LAMA4: variants seen among roughly 807,000 people sequenced by gnomAD.
The protein encoded by LAMA4 is laminin subunit alpha 4, also known as laminin subunit alpha-4.
LAMA4 carries 127 observed loss-of-function variants against 207.1 expected under a neutral mutation model. The ratio of observed to expected loss-of-function variants is 0.61; its 90% CI spans 0.53 to 0.71. LAMA4 has a LOEUF of 0.71. Ranked by LOEUF, LAMA4 falls within the 30% of genes least tolerant of loss-of-function variation. LAMA4 has a pLI of 0.00. For missense variants in LAMA4, 2,093 were observed against 2,246.5 expected, an observed-to-expected ratio of 0.93 and a Z score of 1.38; for synonymous variants, 761 against 816.0, an observed-to-expected ratio of 0.93 and a Z score of 1.15.
Position 112,187,606 on chromosome 6 carries a change from A to G in LAMA4, c.815-5T>C. On this transcript the variant is annotated splice_polypyrimidine_tract_variant and splice_region_variant and intron_variant, in intron 7 of 38. Transcript: ENST00000230538. The stretch of plus-strand genomic sequence containing the variant: ...CCCAGACGCACTTATCACAGCCTGG[A>G]GGTGAAACATTTCTTCAGAATCACA... 6.2e-7 allele frequency: 1 copy of G among 1,613,546 alleles called. No homozygotes were observed. The highest frequency in any genetic ancestry group is 8.5e-7 in the Non-Finnish European group (1 of 1,179,800).
chr6:112,136,103 C>A lies in LAMA4; in HGVS notation c.3414+20G>T. ...TATAAAGAACAAAAACAAAACCAAC[C>A]AAACTACAATGATTTGTACCTCATG... is the stretch of plus-strand genomic sequence containing the variant. On this transcript the variant is annotated intron_variant, in intron 25 of 38. Transcript: ENST00000230538. 4 of 1,608,784 alleles carry A rather than the reference C, an allele frequency of 2.5e-6. No individual in the cohort carries two copies. Among genetic ancestry groups the A allele is most frequent in the Non-Finnish European group, 2.5e-6 (3 of 1,178,296 alleles).
At position 112,117,889 on chromosome 6, in the gene LAMA4, T is replaced by G; in HGVS notation, c.4831A>C (p.Ile1611Leu). Residue 1611 changes from isoleucine to leucine, a missense_variant, in exon 35 of 39, where the codon ATC becomes CTC. Coordinates refer to ENST00000230538, the MANE Select transcript of LAMA4 (RefSeq NM_001105206.3). The surrounding 1 kb of genome is among the most constrained non-coding windows in gnomAD (Gnocchi z 4.5). ...CTGAGACAGCCACTAAAACTGTAGA[T>G]GGAGTTAATCTGAGGGAAGAAGATA... ...KAVKNVQINSIYSFSGCLSNL... is the reference protein window; with the variant it reads ...KAVKNVQINSLYSFSGCLSNL... 6.2e-7 allele frequency: 1 copy of G among 1,613,330 alleles called. No individual in the cohort carries two copies.
At chr6:112,235,172 A>C (rs1554365637) in intron 2 of LAMA4, among the ~76,000 whole-genome samples, 1 of 152,076 alleles carries the variant, frequency 6.6e-6, no homozygotes, top group Non-Finnish European at 1.5e-5. Context: ...GCTGCCCCAA[A>C]CCCCTGAAAT....
Position 112,114,730 on chromosome 6 carries a change from G to T in LAMA4, c.5139C>A (p.Ile1713=). Residue 1713 remains isoleucine, a synonymous_variant, in exon 37 of 39, where the codon ATC becomes ATA. Coordinates refer to ENST00000230538, the MANE Select transcript of LAMA4 (RefSeq NM_001105206.3). ...GQVIVKVNNG[I]RDFSTSVTPK... is the part of the protein sequence containing the mutation. ...GTGTAACTGAGGTGGAAAAATCTCT[G>T]ATGCCATTATTGACTTTCACTATGA... is the stretch of plus-strand genomic sequence containing the variant. The T allele has an allele frequency of 6.2e-7, 1 of 1,612,092 alleles. No individual in the cohort carries two copies. Among genetic ancestry groups the T allele is most frequent in the South Asian group, 1.1e-5 (1 of 91,042 alleles).
chr6:112,194,330 T>C (rs1194663621), intron 5 of LAMA4, among the ~76,000 whole-genome samples: 1 of 152,248 alleles, frequency 6.6e-6, no homozygotes, highest in Non-Finnish European at 1.5e-5. Flanking sequence ...AACTTTTTCA[T>C]TTAATTCCAC....
At chr6:112,171,443 A>G (rs6940879) in intron 12 of LAMA4, among the ~76,000 whole-genome samples, 8,200 of 152,082 alleles carry the variant, frequency 0.054, 275 homozygotes, top group Middle Eastern at 0.099. Context: ...AGAAGGGGAG[A>G]CTGTTTTGGT....
chr6:112,193,056 A>G (rs1393418034), intron 5 of LAMA4, among the ~76,000 whole-genome samples: 1 of 152,130 alleles, frequency 6.6e-6, no homozygotes, highest in Non-Finnish European at 1.5e-5. Flanking sequence ...TTTGCTGTGG[A>G]CTCTAAACTA....
At chr6:112,213,357 C>T (rs1784452593) in intron 3 of LAMA4, among the ~76,000 whole-genome samples, 1 of 152,192 alleles carries the variant, frequency 6.6e-6, no homozygotes, top group South Asian at 2.1e-4. Flanking sequence ...TCTGCTTCCA[C>T]TTGTTTTTTC....
At position 112,182,097 on chromosome 6, in the gene LAMA4, A is replaced by AAAATAAATAAAT. The variant is rs58426217; in HGVS notation, c.1077+3128_1077+3139dup. Among the ~76,000 whole-genome samples the AAAATAAATAAAT allele has an allele frequency of 6.2e-3, 918 of 148,644 alleles. 7 individuals carry two copies. The highest frequency in any genetic ancestry group is 0.013 in the African/African-American group (525 of 40,198). The stretch of plus-strand genomic sequence containing the variant: ...AGATGACAGAGCGAGACTCTGTCTG[A>AAAATAAATAAAT]AAATAAATAAATAAATAAATAAATA... On this transcript the variant is annotated intron_variant, in intron 9 of 38. Transcript: ENST00000230538.
chr6:112,249,441 C>CAA (rs71762704), intron 2 of LAMA4, among the ~76,000 whole-genome samples: 666 of 52,632 alleles, frequency 0.013, 31 homozygotes, highest in African/African-American at 0.02. Context: ...GACTCTGTTT[C>CAA]AAAAAAAAAA....
Position 112,254,090 on chromosome 6 carries a change from A to C in LAMA4, c.61T>G (p.Cys21Gly), listed in dbSNP as rs1787681023. ...TCGTCCCCGGACGCGGCGCGGGAGC[A>C]GGCAGCGCTCCAGAGGAGCCACAGA... ...LPLWLLWSAA[C>G]SRAASGDDNA... The change falls in exon 2 of 39, where the codon TGC becomes GGC. Residue 21 changes from cysteine to glycine, a missense_variant. Physicochemically the swap from Cys to Gly is radical, Grantham distance 159. This residue lies in a region of LAMA4 where 1,704 missense variants were observed against 1,788.4 expected (regional missense o/e 0.95). Transcript: ENST00000230538. The C allele has an allele frequency of 6.2e-7, 1 of 1,612,374 alleles. No individual in the cohort carries two copies. The highest frequency in any genetic ancestry group is 8.5e-7 in the Non-Finnish European group (1 of 1,179,760).
At chr6:112,136,818 G>T (rs552619660) in intron 24 of LAMA4, among the ~76,000 whole-genome samples, 18 of 152,088 alleles carry the variant, frequency 1.2e-4, no homozygotes, top group African/African-American at 4.3e-4. Flanking sequence ...CTGAACTAAT[G>T]GATGAAGTTT....
At chr6:112,139,664 T>A in intron 23 of LAMA4, 88 bp downstream of exon 23, 1 of 1,524,922 alleles carries the variant, frequency 6.6e-7, no homozygotes, top group East Asian at 2.3e-5. Flanking sequence ...AAAGAAAAGT[T>A]TGAGAACCTG....
intron 2 of LAMA4, among the ~76,000 whole-genome samples, chr6:112,245,212 G>A (rs1786821959): frequency 6.6e-6 from 1 of 152,188 alleles, no homozygotes; most frequent in African/African-American, 2.4e-5. Context: ...CATGAAGTTT[G>A]AAAGGCATCC....
rs1290624505 is a variant in LAMA4 at position 112,108,091 on chromosome 6, T to C, written c.*1346A>G. On this transcript the variant is annotated 3_prime_UTR_variant, in exon 39 of 39. Transcript: ENST00000230538. ...GGGGATATAGGTAGGTATGGACATATATACCAATATGTAATATATATATAA... is the reference window on the plus strand; with the variant it reads ...GGGGATATAGGTAGGTATGGACATACATACCAATATGTAATATATATATAA... Among the ~76,000 whole-genome samples the C allele has an allele frequency of 6.6e-6, 1 of 152,146 alleles. No individual in the cohort carries two copies. The highest frequency in any genetic ancestry group is 2.4e-5 in the African/African-American group (1 of 41,418).
At position 112,109,316 on chromosome 6, in the gene LAMA4, G is replaced by A. The variant is rs1194039085; in HGVS notation, c.*121C>T. ...ATCCGGTCCCTGATGATTCGTTTAA[G>A]TCCTGTTCAACTCGATGAAAGCTTC... On this transcript the variant is annotated 3_prime_UTR_variant, in exon 39 of 39. Transcript: ENST00000230538. 4 of 1,049,802 alleles carry A rather than the reference G, an allele frequency of 3.8e-6. No individual in the cohort carries two copies. The African/African-American group carries it at 6.3e-5, about 16-fold the overall frequency. 65.0% of individuals were successfully genotyped at this position (1,049,802 alleles called of 1,614,324 possible).
At chr6:112,202,863 C>A (rs1196255176) in intron 4 of LAMA4, among the ~76,000 whole-genome samples, 1 of 152,176 alleles carries the variant, frequency 6.6e-6, no homozygotes, top group East Asian at 1.9e-4. Flanking sequence ...GCAGCCTGCC[C>A]ACGCTTGAAG....
At chr6:112,242,234 T>C (rs1027166458) in intron 2 of LAMA4, among the ~76,000 whole-genome samples, 4 of 152,152 alleles carry the variant, frequency 2.6e-5, no homozygotes, top group African/African-American at 4.8e-5. Flanking sequence ...GTGTGTGCCA[T>C]GGTTTCAGGA....
Position 112,120,385 on chromosome 6 carries a change from A to G in LAMA4, c.4563T>C (p.Thr1521=). ...VSDQEENDFM[T]LFLAHGRLVY... is the part of the protein sequence containing the mutation. ...CCAAGCGGCCATGGGCCAAAAATAG[A>G]GTCATGAAGTCATTCTCTTCTTGAT... The change falls in exon 33 of 39, where the codon ACT becomes ACC. Residue 1521 remains threonine (T), a synonymous_variant. Transcript: ENST00000230538. 6.2e-7 allele frequency: 1 copy of G among 1,613,856 alleles called. No individual in the cohort carries two copies. The highest frequency in any genetic ancestry group is 8.5e-7 in the Non-Finnish European group (1 of 1,179,740).
Sources: allele counts gnomAD v4.1 joint callset (sites outside exome capture counted in the v4.1 genomes callset), GRCh38; gene constraint gnomAD v4.1.1; regional missense constraint gnomAD v4.1.1; non-coding constraint Gnocchi (gnomAD v3.1); transcripts MANE v1.5; gene names NCBI Gene and HGNC (gene_info 2026-07-23, HGNC 2026-07-21).